IGSF22: variants seen among roughly 807,000 people sequenced by gnomAD.
IGSF22 encodes the protein immunoglobulin superfamily member 22, also known as immunoglobulin superfamily, member 22.
IGSF22 carries 119 observed loss-of-function variants against 127.0 expected under a neutral mutation model. That is an observed-to-expected ratio of 0.94 (90% CI 0.81 to 1.09). The LOEUF (loss-of-function observed/expected upper bound fraction) is 1.09, where lower values mean the gene tolerates loss of function less well. IGSF22 is among the 50% of genes least tolerant of loss of function. The probability of loss-of-function intolerance (pLI) is 0.00; values close to 1 mark genes in which losing one functional copy is unlikely to be tolerated. For missense variants in IGSF22, 1,518 were observed against 1,716.6 expected (o/e 0.88, Z 2.04); for synonymous variants, 568 against 664.7 (o/e 0.85, Z 2.24).
In IGSF22 at chr11:18,707,863, C is replaced by T. The variant is rs760038093; in HGVS notation, c.3221G>A (p.Arg1074Gln). The T allele has an allele frequency of 8.7e-6, 14 of 1,613,810 alleles. No individual in the cohort carries two copies. The highest frequency in any genetic ancestry group is 3.3e-4 in the Middle Eastern group (2 of 6,060). The change falls in exon 20 of 23, where the codon CGA (arginine) becomes CAA (glutamine). Residue 1074 changes from arginine to glutamine, a missense_variant. Physicochemically the swap from Arg to Gln is conservative, Grantham distance 43 (BLOSUM62 1). Coordinates refer to ENST00000513874, the MANE Select transcript of IGSF22 (RefSeq NM_173588.4). ...STKRSDSGVY[R>Q]ILLQNEFGEA... ...TCCAAACTCATTCTGAAGCAAGATT[C>T]GGTACACCCCTGAGTCAGAGCGCTT...
intron 15 of IGSF22, among the ~76,000 whole-genome samples, chr11:18,711,429 ACT>A (rs1180810663): frequency 6.6e-6 from 1 of 152,050 alleles, no homozygotes; most frequent in Non-Finnish European, 1.5e-5. Flanking sequence ...ACGAAGTCTC[ACT>A]CTATTGCCCA....
rs148308967 is a variant in IGSF22, at chr11:18,714,130, G to T, written c.1817C>A (p.Pro606Gln). 6.2e-7 allele frequency: 1 copy of T among 1,612,684 alleles called. No homozygotes were observed. Among genetic ancestry groups the T allele is most frequent in the Admixed American group, 1.7e-5 (1 of 59,958 alleles). Residue 606 changes from proline to glutamine, a missense_variant, in exon 14 of 23, where the codon CCG becomes CAG. This residue lies in a region of IGSF22 where 1,456 missense variants were observed against 1,644.9 expected (regional missense o/e 0.89). Transcript: ENST00000513874. ...CGCAGCCAGTGCCTCCAGTACTGAC[G>T]GGTCGATGGTAGGAGGATCTGTGGG... ...VFIADPPTID[P>Q]SVLEALAAHA...
chr11:18,707,648 A>G (rs1342895322), intron 20 of IGSF22, among the ~76,000 whole-genome samples, 156 bp downstream of exon 20: 2 of 151,810 alleles, frequency 1.3e-5, no homozygotes, highest in Middle Eastern at 3.2e-3. Context: ...TGCCGACCAT[A>G]CTCTGTATGA....
intron 4 of IGSF22, 144 bp from the exon 5 acceptor site, chr11:18,720,429 G>C (rs558337049): frequency 1.6e-6 from 1 of 628,480 alleles, no homozygotes; most frequent in East Asian, 2.7e-5. Flanking sequence ...TGAGCAGCCT[G>C]TATGATTTGG....
rs536616473 is a variant in IGSF22 at position 18,707,681 on chromosome 11, A to G, written c.3280+123T>C. Reference sequence around the variant, plus strand: ...TGATAAAGTCTTGCTCTGTGGTGTCAAAGAAATCTTCATGGCCCTAAGGCA... The same window carrying G: ...TGATAAAGTCTTGCTCTGTGGTGTCGAAGAAATCTTCATGGCCCTAAGGCA... On this transcript the variant is annotated intron_variant, in intron 20 of 22. Transcript: ENST00000513874. 58 of 776,244 alleles carry G rather than the reference A, an allele frequency of 7.5e-5. No individual in the cohort carries two copies. The African/African-American group carries it at 8.9e-4, about 12-fold the overall frequency. 48.1% of individuals were successfully genotyped at this position (776,244 alleles called of 1,614,324 possible). A position where few individuals can be genotyped will look rare whatever the true frequency, so the allele number is the denominator to read the frequency against.
At position 18,712,397 on chromosome 11, in the gene IGSF22, A is replaced by G; in HGVS notation, c.2096-13T>C. 6.5e-7 allele frequency: 1 copy of G among 1,541,954 alleles called. No individual in the cohort carries two copies. Among genetic ancestry groups the G allele is most frequent in the Non-Finnish European group, 8.8e-7 (1 of 1,140,806 alleles). ...GGCTTTGGACGGTCTGGGGACAGAG[A>G]ACAGCTTCAGAATGGGGCTTTGGAA... On this transcript the variant is annotated splice_polypyrimidine_tract_variant and intron_variant, in intron 14 of 22. Coordinates refer to ENST00000513874, the MANE Select transcript of IGSF22 (RefSeq NM_173588.4).
In IGSF22 at chr11:18,718,657, T is replaced by C. The variant is rs1848507543; in HGVS notation, c.768A>G (p.Ile256Met). The change falls in exon 8 of 23, where the codon ATA (isoleucine) becomes ATG (methionine). Residue 256 changes from isoleucine to methionine, a missense_variant. By Grantham distance (10) the Ile-to-Met change is conservative. This residue lies in a region of IGSF22 where 1,456 missense variants were observed against 1,644.9 expected (regional missense o/e 0.89). Transcript: ENST00000513874. ...TGACATTGGGGTCTTTCAGTTCCAT[T>C]ATGCAGTCAAAGACCACTGTGGTGT... ...KVDTTVVFDC[I>M]MELKDPNVKM... 6.2e-7 allele frequency: 1 copy of C among 1,613,694 alleles called. No individual in the cohort carries two copies. Among genetic ancestry groups the C allele is most frequent in the Non-Finnish European group, 8.5e-7 (1 of 1,179,564 alleles).
chr11:18,721,537 T>C lies in IGSF22; in HGVS notation c.376A>G (p.Lys126Glu). ...YDSINKEHVL[K>E]LEPLTSDDSD... ...GGACTTGGGCTTGGCCCCCGCACCT[T>C]CAGCACGTGTTCCTTGTTAATGCTG... is the stretch of plus-strand genomic sequence containing the variant. Residue 126 changes from lysine (K) to glutamate (E), a missense_variant and splice_region_variant, in exon 4 of 23, where the codon AAG becomes GAG. This residue lies in a region of IGSF22 where 1,456 missense variants were observed against 1,644.9 expected (regional missense o/e 0.89). Coordinates refer to ENST00000513874, the MANE Select transcript of IGSF22 (RefSeq NM_173588.4). 2.5e-6 allele frequency: 4 copies of C among 1,614,228 alleles called. No homozygotes were observed. Among genetic ancestry groups the C allele is most frequent in the Non-Finnish European group, 2.5e-6 (3 of 1,180,032 alleles).
intron 5 of IGSF22, 35 bp downstream of exon 5, chr11:18,720,151 T>TA (rs763965841): frequency 6.2e-7 from 1 of 1,613,930 alleles, no homozygotes; most frequent in Non-Finnish European, 8.5e-7. Context: ...GTCTGGTCCC[T>TA]AAGAAGAAAG....
At chr11:18,710,851 A>G in intron 15 of IGSF22, 23 bp from the exon 16 acceptor site, 1 of 1,600,916 alleles carries the variant, frequency 6.2e-7, no homozygotes. Context: ...GAGAGAGTGC[A>G]AAGGTTAGGA....
At chr11:18,721,791 C>G in intron 3 of IGSF22, 119 bp downstream of exon 3, 1 of 1,585,602 alleles carries the variant, frequency 6.3e-7, no homozygotes, top group Non-Finnish European at 8.6e-7. Context: ...AGGGGAGGAA[C>G]CCTCGGCCAG....
intron 7 of IGSF22, among the ~76,000 whole-genome samples, 196 bp downstream of exon 7, chr11:18,719,520 G>C (rs1315366899): frequency 6.6e-6 from 1 of 152,190 alleles, no homozygotes; most frequent in African/African-American, 2.4e-5. Context: ...ATGCAAGTAT[G>C]TTTGGGAGTG....
rs776752615 is a variant in IGSF22, at chr11:18,710,789, AC to A, written c.2437del (p.Val813Ter). On this transcript the variant is annotated frameshift_variant, in exon 16 of 23. Transcript: ENST00000513874. LOFTEE classifies it high-confidence loss of function. ...CGTGATGGTCACGGCTTCTTTAGTC[AC>A]ATCAGTCACTTGAGGCTGGGAGGCA... ...GFASQPQVTDVTKEAVTITWN... is the reference protein window; with the variant it reads ...GFASQPQVTDXTKEAVTITWN... 5 of 1,614,000 alleles carry A rather than the reference AC, an allele frequency of 3.1e-6. No homozygotes were observed. In the East Asian group the frequency reaches 8.9e-5, roughly 29 times the overall value.
intron 15 of IGSF22, 58 bp from the exon 16 acceptor site, chr11:18,710,886 A>G: frequency 6.9e-7 from 1 of 1,444,382 alleles, no homozygotes; most frequent in Non-Finnish European, 9.6e-7. Context: ...ATATTTGCCC[A>G]CCTCATGCTG....
At chr11:18,723,815 C>G (rs996625206) in intron 2 of IGSF22, among the ~76,000 whole-genome samples, 10 of 152,218 alleles carry the variant, frequency 6.6e-5, no homozygotes, top group Admixed American at 6.5e-4. Flanking sequence ...GAAATTCTAC[C>G]TTTGGAGATA....
chr11:18,710,273 A>T lies in IGSF22; in HGVS notation c.2701+54T>A. The T allele has an allele frequency of 4.4e-6, 7 of 1,594,910 alleles. No individual in the cohort carries two copies. The South Asian group carries it at 5.5e-5, about 13-fold the overall frequency. On this transcript the variant is annotated intron_variant, in intron 17 of 22. Transcript: ENST00000513874. ...TTCCCGGGGAAGAAATTCTTTCTCT[A>T]CTTTGAATGGGCTAATTCCATTATG... is the stretch of plus-strand genomic sequence containing the variant.
intron 11 of IGSF22, 94 bp from the exon 12 acceptor site, chr11:18,714,718 C>G: frequency 6.7e-7 from 1 of 1,500,668 alleles, no homozygotes; most frequent in South Asian, 1.2e-5. Context: ...TGGGACTGGT[C>G]AGGGGTGCTG....
chr11:18,712,218 C>T lies in IGSF22; in HGVS notation c.2262G>A (p.Val754=). Residue 754 remains valine (V), a synonymous_variant, in exon 15 of 23, where the codon GTG becomes GTA. Transcript: ENST00000513874. The stretch of plus-strand genomic sequence containing the variant: ...TGGAGAAGTTGGTGACTTTGCCGTC[C>T]ACCTCGCCTATCTTAATCCAGGACT... ...GKKSWIKIGE[V]DGKVTNFSTN... 6.4e-7 allele frequency: 1 copy of T among 1,551,710 alleles called. No individual in the cohort carries two copies. The highest frequency in any genetic ancestry group is 8.7e-7 in the Non-Finnish European group (1 of 1,146,998).
chr11:18,715,569 C>T lies in IGSF22; in HGVS notation c.1394G>A (p.Ser465Asn). 2 of 1,614,112 alleles carry T rather than the reference C, an allele frequency of 1.2e-6. No homozygotes were observed. The highest frequency in any genetic ancestry group is 1.7e-6 in the Non-Finnish European group (2 of 1,180,020). Residue 465 changes from serine to asparagine, a missense_variant, in exon 11 of 23, where the codon AGC becomes AAC. Ser to Asn is a conservative substitution (Grantham distance 46). Transcript: ENST00000513874. ...GQLLMHGTKYSMNHEGKRAEL... is the reference protein window; with the variant it reads ...GQLLMHGTKYNMNHEGKRAEL... ...TGCTCGCTTGCCCTCATGGTTCATGCTGTACTTAGTGCCATGCATCAGCAG... is the reference window on the plus strand; with the variant it reads ...TGCTCGCTTGCCCTCATGGTTCATGTTGTACTTAGTGCCATGCATCAGCAG...
Sources: gnomAD v4.1 joint callset for allele counts (sites outside exome capture counted in the v4.1 genomes callset) on GRCh38, gnomAD v4.1.1 for gene constraint, gnomAD v4.1.1 regional missense constraint, MANE v1.5 for transcripts, NCBI Gene and HGNC (gene_info 2026-07-23, HGNC 2026-07-21) for gene names.